Variants in MYLK observed in about 807,000 individuals in gnomAD.
MYLK encodes the protein myosin light chain kinase, smooth muscle.
In MYLK, 106 loss-of-function variants were observed where a neutral mutation model predicts 203.4. The ratio of observed to expected loss-of-function variants is 0.52; its 90% CI spans 0.45 to 0.61. The LOEUF (loss-of-function observed/expected upper bound fraction) is 0.61. Among genes scored for constraint, MYLK ranks in the 20% least tolerant of loss-of-function variants. MYLK has a pLI of 0.00. For synonymous variants in MYLK, 867 were observed against 959.5 expected (o/e 0.90, Z 1.78); for missense variants, 2,072 against 2,442.3 (o/e 0.85, Z 3.20).
At chr3:123,724,724 G>T (rs1402745225) in intron 12 of MYLK, among the ~76,000 whole-genome samples, 1 of 105,056 alleles carries the variant, frequency 9.5e-6, no homozygotes. Flanking sequence ...ACCACTGCTC[G>T]CTCGCTTGCT....
chr3:123,701,593 G>A (rs546945181), intron 16 of MYLK, 84 bp from the exon 17 acceptor site: 2 of 1,416,570 alleles, frequency 1.4e-6, no homozygotes, highest in Admixed American at 1.7e-5. Flanking sequence ...ACAGGCTGCT[G>A]GCCAGCGGGG....
At chr3:123,835,114 T>C (rs2066442543) in intron 2 of MYLK, among the ~76,000 whole-genome samples, 1 of 152,202 alleles carries the variant, frequency 6.6e-6, no homozygotes, top group Non-Finnish European at 1.5e-5. Context: ...TAGAGCAGTG[T>C]TTCTCAAAGT....
chr3:123,764,643 T>C (rs1455073019), intron 4 of MYLK, among the ~76,000 whole-genome samples: 1 of 152,238 alleles, frequency 6.6e-6, no homozygotes, highest in Non-Finnish European at 1.5e-5. Flanking sequence ...ACCTCATGTC[T>C]AGGACGTGAC....
chr3:123,663,838 AG>A (rs1371305340), intron 23 of MYLK, among the ~76,000 whole-genome samples: 1 of 152,196 alleles, frequency 6.6e-6, no homozygotes, highest in Non-Finnish European at 1.5e-5. Context: ...GGGGAACTCC[AG>A]GAACAGCTAT....
chr3:123,616,305 C>T (rs1369680345), intron 33 of MYLK: 1 of 152,030 alleles, frequency 6.6e-6, no homozygotes, highest in East Asian at 1.9e-4. Flanking sequence ...TTAGTCATAT[C>T]TCTGCAAAGT....
intron 23 of MYLK, among the ~76,000 whole-genome samples, chr3:123,661,935 T>C (rs898794130): frequency 6.6e-6 from 1 of 152,220 alleles, no homozygotes; most frequent in African/African-American, 2.4e-5. Context: ...CATAGCTCAC[T>C]GGCCACCTCA....
At chr3:123,856,284 A>C (rs765166772) in intron 2 of MYLK, among the ~76,000 whole-genome samples, 2 of 152,134 alleles carry the variant, frequency 1.3e-5, no homozygotes, top group Admixed American at 1.3e-4. Context: ...TTTCCTCTGT[A>C]ACACACCACT....
At position 123,648,873 on chromosome 3, in the gene MYLK, C is replaced by A; in HGVS notation, c.4415+98G>T. The A allele has an allele frequency of 2.0e-6, 2 of 1,017,708 alleles. No individual in the cohort carries two copies. 63.0% of individuals were successfully genotyped at this position (1,017,708 alleles called of 1,614,324 possible). Reference sequence around the variant, plus strand: ...ACTCTCAGTCTGGGGAGGAGGCAGGCCCCAGGGAGCAACAGGAAGCTGAGG... The same window carrying A: ...ACTCTCAGTCTGGGGAGGAGGCAGGACCCAGGGAGCAACAGGAAGCTGAGG... On this transcript the variant is annotated intron_variant, in intron 26 of 33. Coordinates refer to ENST00000360304, the MANE Select transcript of MYLK (RefSeq NM_053025.4). The surrounding 1 kb of genome is among the most constrained non-coding windows in gnomAD (Gnocchi z 4.5).
At chr3:123,618,219 G>A in intron 33 of MYLK, 2 of 247,942 alleles carry the variant, frequency 8.1e-6, no homozygotes, top group South Asian at 1.0e-4. Context: ...CTGTGGACGA[G>A]TAGCAGAGCC....
intron 2 of MYLK, among the ~76,000 whole-genome samples, chr3:123,860,938 G>A (rs943235935): frequency 1.3e-5 from 2 of 152,030 alleles, no homozygotes; most frequent in African/African-American, 4.8e-5. Flanking sequence ...AGACCATCCT[G>A]GCTAAAACGG....
intron 2 of MYLK, among the ~76,000 whole-genome samples, chr3:123,863,833 C>A (rs189699770): frequency 3.4e-4 from 52 of 152,228 alleles, no homozygotes; most frequent in African/African-American, 1.2e-3. Context: ...TATGACCTAG[C>A]AATTCCACTC....
At chr3:123,695,706 C>A (rs902967375) in intron 18 of MYLK, among the ~76,000 whole-genome samples, 1 of 152,140 alleles carries the variant, frequency 6.6e-6, no homozygotes, top group South Asian at 2.1e-4. Context: ...CAAAATTCTA[C>A]CCTGAAGGCA....
intron 12 of MYLK, among the ~76,000 whole-genome samples, chr3:123,724,430 C>T (rs754200037): frequency 6.6e-6 from 1 of 152,128 alleles, no homozygotes; most frequent in Non-Finnish European, 1.5e-5. Flanking sequence ...GTCCTTAACG[C>T]CCATATTGCA....
In MYLK at chr3:123,739,004, G is replaced by A; in HGVS notation, c.481C>T (p.Pro161Ser). The stretch of plus-strand genomic sequence containing the variant: ...CGGCCCAGCTTGGTAGCAAACTTTG[G>A]TGGGCACTCCCCCCAGATGCTAGGA... ...TRPSIWGECPPKFATKLGRVV... is the reference protein window; with the variant it reads ...TRPSIWGECPSKFATKLGRVV... The change falls in exon 7 of 34, where the codon CCA becomes TCA. Residue 161 changes from proline to serine, a missense_variant. Pro to Ser is a moderately conservative substitution (Grantham distance 74). Around this residue, in one of 3 missense-constraint regions of MYLK, gnomAD observed 683 missense variants for 643.8 expected, o/e 1.06. Coordinates refer to ENST00000360304, the MANE Select transcript of MYLK (RefSeq NM_053025.4). 1 of 1,613,796 alleles carries A rather than the reference G, an allele frequency of 6.2e-7. No individual in the cohort carries two copies. The highest frequency in any genetic ancestry group is 8.5e-7 in the Non-Finnish European group (1 of 1,179,928).
rs2062531508 is a variant in MYLK, at chr3:123,732,877, C to T, written c.1516+19G>A. The T allele has an allele frequency of 6.2e-7, 1 of 1,611,410 alleles. No homozygotes were observed. The highest frequency in any genetic ancestry group is 8.5e-7 in the Non-Finnish European group (1 of 1,178,206). ...TTGTCCCACAGAGAATGCGGGGTGA[C>T]CTGGAGAAGTGTACTCACTTTCCAC... On this transcript the variant is annotated intron_variant, in intron 11 of 33. Transcript: ENST00000360304.
At chr3:123,746,162 A>T (rs554292269) in intron 5 of MYLK, among the ~76,000 whole-genome samples, 18 of 152,268 alleles carry the variant, frequency 1.2e-4, no homozygotes, top group African/African-American at 4.1e-4. Flanking sequence ...GGCTTTATTT[A>T]CAATTTAAAG....
intron 4 of MYLK, among the ~76,000 whole-genome samples, chr3:123,769,614 G>A (rs1472171485): frequency 1.3e-5 from 2 of 152,178 alleles, no homozygotes; most frequent in Admixed American, 6.5e-5. Context: ...ACTAAGTCAT[G>A]CTGTTATGCT....
intron 1 of MYLK, among the ~76,000 whole-genome samples, chr3:123,882,472 C>T (rs1577178405): frequency 6.6e-6 from 1 of 152,230 alleles, no homozygotes; most frequent in East Asian, 1.9e-4. Context: ...TGCAGCTACC[C>T]TCCTCCTCAG....
In MYLK at chr3:123,648,261, C is replaced by T. The variant is rs1287122353; in HGVS notation, c.4415+710G>A. Among the ~76,000 whole-genome samples the T allele has an allele frequency of 6.6e-6, 1 of 152,212 alleles. No individual in the cohort carries two copies. The highest frequency in any genetic ancestry group is 2.4e-5 in the African/African-American group (1 of 41,442). On this transcript the variant is annotated intron_variant, in intron 26 of 33. Transcript: ENST00000360304. The surrounding 1 kb of genome is among the most constrained non-coding windows in gnomAD (Gnocchi z 4.5). ...GGCTCAGGGTTGGGGTCTGAGCCCA[C>T]TCTATCCTCCATGCCCTAGGGAGAA...
Sources: gnomAD v4.1 joint callset for allele counts (sites outside exome capture counted in the v4.1 genomes callset) on GRCh38, gnomAD v4.1.1 for gene constraint, gnomAD v4.1.1 regional missense constraint, Gnocchi (gnomAD v3.1) non-coding constraint, MANE v1.5 for transcripts, NCBI Gene and HGNC (gene_info 2026-07-23, HGNC 2026-07-21) for gene names.